Variants in PHF24 observed in about 807,000 individuals in gnomAD.
PHF24 encodes PHD finger protein 24.
Under a neutral mutation model 42.6 loss-of-function variants are expected in PHF24, and 25 were observed. The ratio of observed to expected loss-of-function variants is 0.59; its 90% CI spans 0.43 to 0.82. The LOEUF (loss-of-function observed/expected upper bound fraction) is 0.82, where lower values mean the gene tolerates loss of function less well. Among genes scored for constraint, PHF24 ranks in the 40% least tolerant of loss-of-function variants. The probability of loss-of-function intolerance (pLI) is 0.00; values close to 1 mark genes in which losing one functional copy is unlikely to be tolerated. For missense variants in PHF24, 470 were observed against 538.1 expected (o/e 0.87, Z 1.25); for synonymous variants, 185 against 204.8 (o/e 0.90, Z 0.83).
chr9:34,838,039 C>T, the PHF24 span, among the ~76,000 whole-genome samples: 2 of 152,230 alleles, frequency 1.3e-5, no homozygotes, highest in Admixed American at 1.3e-4. Flanking sequence ...CTTAAAGGGC[C>T]ACCAACCAAA....
chr9:34,822,366 C>A, the PHF24 span, among the ~76,000 whole-genome samples: 4 of 152,042 alleles, frequency 2.6e-5, no homozygotes, highest in Admixed American at 6.6e-5. Flanking sequence ...CTGAAAAAGT[C>A]TTTTATTTCA....
the PHF24 span, among the ~76,000 whole-genome samples, chr9:34,862,950 C>A: frequency 6.6e-6 from 1 of 151,852 alleles, no homozygotes; most frequent in Non-Finnish European, 1.5e-5. Context: ...AGACAGCATT[C>A]ATCACAAGCT....
the PHF24 span, among the ~76,000 whole-genome samples, chr9:34,900,127 T>C: frequency 1.3e-5 from 2 of 152,230 alleles, no homozygotes; most frequent in South Asian, 2.1e-4. Flanking sequence ...TTAAGAAATT[T>C]GAATACAATT....
the PHF24 span, among the ~76,000 whole-genome samples, chr9:34,851,121 C>G: frequency 1.3e-5 from 2 of 151,986 alleles, no homozygotes; most frequent in Non-Finnish European, 2.9e-5. Context: ...AACCACTGCT[C>G]TCTTCAAAGC....
At chr9:34,745,565 A>G in the PHF24 span, among the ~76,000 whole-genome samples, 1 of 151,958 alleles carries the variant, frequency 6.6e-6, no homozygotes, top group Non-Finnish European at 1.5e-5. Context: ...CTAAGAGTAT[A>G]TAACCATGGA....
chr9:34,815,003 A>T, the PHF24 span, among the ~76,000 whole-genome samples: 1 of 152,196 alleles, frequency 6.6e-6, no homozygotes. Context: ...AAGTGCTGGG[A>T]TTATAGGCTT....
the PHF24 span, chr9:34,834,811 A>C: frequency 6.8e-7 from 1 of 1,473,066 alleles, no homozygotes; most frequent in Non-Finnish European, 9.0e-7. Flanking sequence ...GAGACACCCA[A>C]TTTGGCGAAA....
At chr9:34,839,227 T>C in the PHF24 span, among the ~76,000 whole-genome samples, 1 of 152,252 alleles carries the variant, frequency 6.6e-6, no homozygotes, top group East Asian at 1.9e-4. Context: ...GTCCTTCTTA[T>C]AGCATTCTGC....
At chr9:34,847,835 C>A in the PHF24 span, among the ~76,000 whole-genome samples, 1 of 152,098 alleles carries the variant, frequency 6.6e-6, no homozygotes, top group Non-Finnish European at 1.5e-5. Context: ...TGTCAAAGAC[C>A]TTTTCTGCAT....
chr9:34,838,103 C>T, the PHF24 span, among the ~76,000 whole-genome samples: 5 of 152,204 alleles, frequency 3.3e-5, no homozygotes, highest in African/African-American at 1.2e-4. Flanking sequence ...GATCCCATAT[C>T]ATCTAGGTCT....
the PHF24 span, among the ~76,000 whole-genome samples, chr9:34,790,897 T>C: frequency 6.6e-6 from 1 of 152,056 alleles, no homozygotes; most frequent in Non-Finnish European, 1.5e-5. Context: ...GGGGCAGGAA[T>C]AGCAAGCAGG....
the PHF24 span, among the ~76,000 whole-genome samples, chr9:34,727,398 C>T: frequency 6.3e-4 from 96 of 152,362 alleles, no homozygotes; most frequent in Non-Finnish European, 1.1e-3. Flanking sequence ...GTATTCAGTA[C>T]TTCCAAGCTG....
chr9:34,677,387 C>CT, the PHF24 span, among the ~76,000 whole-genome samples: 1 of 110,942 alleles, frequency 9.0e-6, no homozygotes, highest in Admixed American at 1.0e-4. Context: ...TCTTTGTAAA[C>CT]TGTTTTTTTT....
chr9:34,731,973 C>T, the PHF24 span, among the ~76,000 whole-genome samples: 2 of 151,942 alleles, frequency 1.3e-5, no homozygotes, highest in African/African-American at 4.8e-5. Flanking sequence ...GCCTCAGCCT[C>T]CCAGGTAGCT....
the PHF24 span, among the ~76,000 whole-genome samples, chr9:34,773,243 G>C: frequency 6.6e-6 from 1 of 152,248 alleles, no homozygotes; most frequent in Admixed American, 6.5e-5. Flanking sequence ...GCCCATCTTG[G>C]CCTCCCAAAG....
chr9:34,766,929 C>T, the PHF24 span, among the ~76,000 whole-genome samples: 1 of 152,298 alleles, frequency 6.6e-6, no homozygotes, highest in Admixed American at 6.5e-5. Flanking sequence ...AGACAGGACC[C>T]TCAGCTGCAG....
rs779557604 is a variant in PHF24, at chr9:34,972,503, C to T, written c.536C>T (p.Thr179Ile). The change falls in exon 3 of 8, where the codon ACA (threonine) becomes ATA (isoleucine). Residue 179 changes from threonine (T) to isoleucine (I), a missense_variant. By Grantham distance (89) the Thr-to-Ile change is moderately conservative (BLOSUM62 -1). Transcript: ENST00000242315. The stretch of plus-strand genomic sequence containing the variant: ...GCGGAGGTGACGGAGATGGCCCACA[C>T]AGAAACAGGCTGGAGCTGCCACTAC... 6.2e-7 allele frequency: 1 copy of T among 1,612,712 alleles called. No individual in the cohort carries two copies. Among genetic ancestry groups the T allele is most frequent in the Admixed American group, 1.7e-5 (1 of 59,930 alleles).
the PHF24 span, among the ~76,000 whole-genome samples, chr9:34,905,025 G>T: frequency 2.0e-5 from 3 of 151,938 alleles, no homozygotes; most frequent in Non-Finnish European, 4.4e-5. Context: ...GGCCAGGTTC[G>T]TTGGAGTTAC....
chr9:34,718,990 T>A, the PHF24 span, among the ~76,000 whole-genome samples: 1 of 152,200 alleles, frequency 6.6e-6, no homozygotes, highest in African/African-American at 2.4e-5. Context: ...AAGCAAGCAC[T>A]GATGTATTCC....
Sources: allele counts gnomAD v4.1 joint callset (sites outside exome capture counted in the v4.1 genomes callset), GRCh38; gene constraint gnomAD v4.1.1; transcripts MANE v1.5; gene names NCBI Gene and HGNC (gene_info 2026-07-23, HGNC 2026-07-21).